Variants in SUCNR1 observed in about 807,000 individuals in gnomAD.
The protein encoded by SUCNR1 is G-protein coupled receptor 91.
SUCNR1 carries 5 observed loss-of-function variants against 2.4 expected under a neutral mutation model. That is an observed-to-expected ratio of 2.07 (90% CI 1.08 to 4.36). The LOEUF (loss-of-function observed/expected upper bound fraction) is 4.36, where lower values mean the gene tolerates loss of function less well. Among genes scored for constraint, SUCNR1 ranks in the 30% most tolerant of loss-of-function variants. The pLI is 0.00. For synonymous variants in SUCNR1, 162 were observed against 143.9 expected (o/e 1.13, Z -0.90); for missense variants, 373 against 399.2 (o/e 0.93, Z 0.56).
intron 1 of SUCNR1, among the ~76,000 whole-genome samples, chr3:151,879,437 G>C (rs935000606): frequency 2.6e-5 from 4 of 152,126 alleles, no homozygotes; most frequent in Non-Finnish European, 4.4e-5. Flanking sequence ...TCATGAATGG[G>C]ATTGGTACTC....
At chr3:151,880,505 T>C (rs889282303) in intron 2 of SUCNR1, 54 bp from the exon 3 acceptor site, 2 of 1,282,022 alleles carry the variant, frequency 1.6e-6, no homozygotes, top group African/African-American at 3.0e-5. Flanking sequence ...TGCACAGTTT[T>C]GTCATTAGTC....
intron 2 of SUCNR1, 109 bp downstream of exon 2, chr3:151,880,016 C>A: frequency 2.9e-6 from 2 of 696,338 alleles, no homozygotes; most frequent in African/African-American, 1.8e-5. Flanking sequence ...GTGTTTCCAC[C>A]TTAATGCCTT....
At chr3:151,874,138 ATATATATATTTT>A (rs1717837337) in intron 1 of SUCNR1, among the ~76,000 whole-genome samples, 1 of 76,308 alleles carries the variant, frequency 1.3e-5, no homozygotes, top group African/African-American at 5.5e-5. Context: ...ATATATATAT[ATATATATATTTT>A]TTTTTTTTTT....
rs1718194491 is a variant in SUCNR1 at position 151,884,515 on chromosome 3, C to T, written c.*2967C>T. ...ATTCTAGATGATGAATAATGTGTGG[C>T]AGAGATTCTGGATTCTGTTACATTC... is the stretch of plus-strand genomic sequence containing the variant. On this transcript the variant is annotated 3_prime_UTR_variant, in exon 3 of 3. Transcript: ENST00000362032. 6.6e-6 allele frequency: 1 copy of T among 152,262 alleles called. No individual in the cohort carries two copies. The highest frequency in any genetic ancestry group is 6.5e-5 in the Admixed American group (1 of 15,304). 9.4% of individuals were successfully genotyped at this position (152,262 alleles called of 1,614,324 possible). A position where few individuals can be genotyped will look rare whatever the true frequency, so the allele number is the denominator to read the frequency against.
At chr3:151,879,338 T>C (rs1395798857) in intron 1 of SUCNR1, among the ~76,000 whole-genome samples, 2 of 152,218 alleles carry the variant, frequency 1.3e-5, no homozygotes, top group Admixed American at 6.5e-5. Context: ...GGTCTTAATA[T>C]TGGTGTCTCC....
In SUCNR1 at chr3:151,880,568, G is replaced by A. The variant is rs767418127; in HGVS notation, c.25G>A (p.Ala9Thr). The A allele has an allele frequency of 6.9e-5, 111 of 1,603,556 alleles. No homozygotes were observed. The highest frequency in any genetic ancestry group is 9.3e-5 in the Non-Finnish European group (109 of 1,175,480). The change falls in exon 3 of 3, where the codon GCA (alanine) becomes ACA (threonine). Residue 9 changes from alanine to threonine, a missense_variant. By Grantham distance (58) the Ala-to-Thr change is moderately conservative. Around this residue, in one of 3 missense-constraint regions of SUCNR1, gnomAD observed 184 missense variants for 162.2 expected, o/e 1.13. Coordinates refer to ENST00000362032, the MANE Select transcript of SUCNR1 (RefSeq NM_033050.6). ...TCTCTCTCTTCTTTAGGCATGGAAT[G>A]CAACTTGCAAAAACTGGCTGGCAGC... MLGIMAWN[A>T]TCKNWLAAEA...
At chr3:151,877,081 T>C (rs9824780) in intron 1 of SUCNR1, among the ~76,000 whole-genome samples, 43,916 of 152,010 alleles carry the variant, frequency 0.29, 6,787 homozygotes, top group Non-Finnish European at 0.35. Context: ...AGTATAGATA[T>C]ATGACAAATA....
chr3:151,874,097 C>T lies in SUCNR1; in HGVS notation c.-42+391C>T, dbSNP rs1374714237. Among the ~76,000 whole-genome samples the T allele has an allele frequency of 6.1e-5, 8 of 131,744 alleles. 1 individual carries two copies. Among genetic ancestry groups the T allele is most frequent in the Middle Eastern group, 7.8e-3 (2 of 258 alleles). 86.4% of individuals were successfully genotyped at this position (131,744 alleles called of 152,430 possible). Reference sequence around the variant, plus strand: ...TATTTGATACATACACACACACACACACACACACACACACACACATATACA... The same window carrying T: ...TATTTGATACATACACACACACACATACACACACACACACACACATATACA... On this transcript the variant is annotated intron_variant, in intron 1 of 2. Coordinates refer to ENST00000362032, the MANE Select transcript of SUCNR1 (RefSeq NM_033050.6).
chr3:151,880,489 A>C, intron 2 of SUCNR1, 70 bp from the exon 3 acceptor site: 3 of 1,135,834 alleles, frequency 2.6e-6, no homozygotes, highest in Non-Finnish European at 3.8e-6. Context: ...CATTATTATT[A>C]TGTTCTGCAC....
intron 1 of SUCNR1, among the ~76,000 whole-genome samples, chr3:151,875,904 T>C (rs1323985557): frequency 6.6e-6 from 1 of 152,204 alleles, no homozygotes; most frequent in African/African-American, 2.4e-5. Context: ...GCCTGAGTGA[T>C]AGTTGCAGGA....
rs1225094635 is a variant in SUCNR1, at chr3:151,882,638, C to G, written c.*1090C>G. 2.6e-5 allele frequency: 4 copies of G among 152,062 alleles called. No individual in the cohort carries two copies. The highest frequency in any genetic ancestry group is 9.7e-5 in the African/African-American group (4 of 41,430). The allele number at this position is 152,062 out of a possible 1,614,324, so 9.4% of individuals were successfully genotyped here. ...GAGAGCAAATCACATCTGGAGTGAG[C>G]CTTGTTTTCATGCAACATTACCATA... On this transcript the variant is annotated 3_prime_UTR_variant, in exon 3 of 3. Coordinates refer to ENST00000362032, the MANE Select transcript of SUCNR1 (RefSeq NM_033050.6).
intron 1 of SUCNR1, among the ~76,000 whole-genome samples, chr3:151,876,410 T>C (rs1459653767): frequency 6.6e-6 from 1 of 152,176 alleles, no homozygotes; most frequent in Non-Finnish European, 1.5e-5. Context: ...ATTGACATTT[T>C]TGCTATATTT....
intron 2 of SUCNR1, among the ~76,000 whole-genome samples, chr3:151,880,349 A>G (rs1266188280): frequency 6.6e-6 from 1 of 152,232 alleles, no homozygotes. Flanking sequence ...GCCTGAAATT[A>G]TATTCAGCAC....
chr3:151,878,294 G>C (rs995280663), intron 1 of SUCNR1, among the ~76,000 whole-genome samples: 1 of 152,098 alleles, frequency 6.6e-6, no homozygotes, highest in Non-Finnish European at 1.5e-5. Flanking sequence ...TTGAAATGAT[G>C]AGAGTGTTTA....
chr3:151,880,857 A>G lies in SUCNR1; in HGVS notation c.314A>G (p.Asn105Ser), dbSNP rs1312865502. The G allele has an allele frequency of 1.2e-6, 2 of 1,614,132 alleles. No individual in the cohort carries two copies. The highest frequency in any genetic ancestry group is 2.2e-5 in the South Asian group (2 of 91,084). ...CISNRYVLHA[N>S]LYTSILFLTF... ...AGCAACCGATATGTGCTTCATGCCA[A>G]CCTCTATACCAGCATTCTCTTTCTC... Residue 105 changes from asparagine (N) to serine (S), a missense_variant, in exon 3 of 3, where the codon AAC becomes AGC. Around this residue, in one of 3 missense-constraint regions of SUCNR1, gnomAD observed 184 missense variants for 162.2 expected, o/e 1.13. Coordinates refer to ENST00000362032, the MANE Select transcript of SUCNR1 (RefSeq NM_033050.6).
chr3:151,880,531 A>G (rs1249670362), intron 2 of SUCNR1, 28 bp from the exon 3 acceptor site: 1 of 1,545,634 alleles, frequency 6.5e-7, no homozygotes, highest in South Asian at 1.2e-5. Flanking sequence ...CTAGTGTTTA[A>G]TCCTTATATT....
chr3:151,878,972 T>G (rs1559857292), intron 1 of SUCNR1, among the ~76,000 whole-genome samples: 1 of 152,200 alleles, frequency 6.6e-6, no homozygotes, highest in Non-Finnish European at 1.5e-5. Flanking sequence ...TTTATTCTTA[T>G]TTTGTTCTAT....
chr3:151,875,528 A>G (rs1317638261), intron 1 of SUCNR1, among the ~76,000 whole-genome samples: 1 of 152,194 alleles, frequency 6.6e-6, no homozygotes, highest in African/African-American at 2.4e-5. Context: ...AAACAAATGT[A>G]TCAAAAAATT....
chr3:151,880,738 C>G lies in SUCNR1; in HGVS notation c.195C>G (p.Leu65=). The G allele has an allele frequency of 6.2e-7, 1 of 1,614,080 alleles. No individual in the cohort carries two copies. The highest frequency in any genetic ancestry group is 1.7e-5 in the Admixed American group (1 of 60,010). ...GCAGTAATATTTATCTCTTTAACCTCTCTGTCTCTGACTTAGCTTTTCTGT... is the reference window on the plus strand; with the variant it reads ...GCAGTAATATTTATCTCTTTAACCTGTCTGTCTCTGACTTAGCTTTTCTGT... ...WNSSNIYLFN[L]SVSDLAFLCT... The change falls in exon 3 of 3, where the codon CTC becomes CTG. Residue 65 remains leucine, a synonymous_variant. Coordinates refer to ENST00000362032, the MANE Select transcript of SUCNR1 (RefSeq NM_033050.6).
Sources: allele counts gnomAD v4.1 joint callset (sites outside exome capture counted in the v4.1 genomes callset), GRCh38; gene constraint gnomAD v4.1.1; regional missense constraint gnomAD v4.1.1; transcripts MANE v1.5; gene names NCBI Gene and HGNC (gene_info 2026-07-23, HGNC 2026-07-21).